Variants in SLC4A10 observed in about 807,000 individuals in gnomAD.
SLC4A10 encodes sodium-driven chloride bicarbonate exchanger.
Under a neutral mutation model 137.7 loss-of-function variants are expected in SLC4A10, and 42 were observed. That is an observed-to-expected ratio of 0.30 (90% confidence interval 0.24 to 0.39). SLC4A10 has a LOEUF of 0.39. Ranked by LOEUF, SLC4A10 falls within the 10% of genes least tolerant of loss-of-function variation. The pLI is 1.00. For missense variants in SLC4A10, 925 were observed against 1,355.0 expected (o/e 0.68, Z 4.98); for synonymous variants, 474 against 464.1 (o/e 1.02, Z -0.27).
At chr2:161,940,138 A>G (rs985356115) in intron 15 of SLC4A10, among the ~76,000 whole-genome samples, 3 of 152,198 alleles carry the variant, frequency 2.0e-5, no homozygotes, top group African/African-American at 7.2e-5. Flanking sequence ...AAATCTTGGT[A>G]AGAACAATGA....
intron 10 of SLC4A10, among the ~76,000 whole-genome samples, chr2:161,885,651 A>G (rs2062205406): frequency 6.6e-6 from 1 of 152,196 alleles, no homozygotes; most frequent in African/African-American, 2.4e-5. Flanking sequence ...TCATATGATT[A>G]TGCTTATCAA....
intron 1 of SLC4A10, among the ~76,000 whole-genome samples, chr2:161,735,345 T>C (rs900115520): frequency 6.6e-6 from 1 of 151,798 alleles, no homozygotes; most frequent in African/African-American, 2.4e-5. Context: ...TAGGTTTTTA[T>C]ACCATTTAAA....
chr2:161,684,490 A>G (rs2041183513), intron 1 of SLC4A10, among the ~76,000 whole-genome samples: 1 of 152,192 alleles, frequency 6.6e-6, no homozygotes, highest in African/African-American at 2.4e-5. Context: ...ATTCTTTTGC[A>G]TATTGGGAGA....
At chr2:161,636,785 G>C (rs1389571384) in intron 1 of SLC4A10, among the ~76,000 whole-genome samples, 1 of 152,006 alleles carries the variant, frequency 6.6e-6, no homozygotes, top group Non-Finnish European at 1.5e-5. Context: ...AAGGACCTGG[G>C]TTCAAGTGGT....
chr2:161,922,545 T>G (rs184003734), intron 15 of SLC4A10, among the ~76,000 whole-genome samples: 1 of 152,192 alleles, frequency 6.6e-6, no homozygotes, highest in East Asian at 1.9e-4. Context: ...TGAAGGGTAA[T>G]GTAGCAATAG....
At chr2:161,796,223 T>C (rs1049109478) in intron 2 of SLC4A10, among the ~76,000 whole-genome samples, 17 of 152,188 alleles carry the variant, frequency 1.1e-4, no homozygotes, top group Non-Finnish European at 1.9e-4. Flanking sequence ...ACAATCCATT[T>C]CCAAACGCAG....
chr2:161,727,203 C>T (rs904301229), intron 1 of SLC4A10, among the ~76,000 whole-genome samples: 2 of 152,228 alleles, frequency 1.3e-5, no homozygotes, highest in Non-Finnish European at 2.9e-5. Flanking sequence ...CTAGAGCTGG[C>T]AGCCAGGCCT....
At position 161,824,454 on chromosome 2, in the gene SLC4A10, A is replaced by G. The variant is rs544744513; in HGVS notation, c.278-15335A>G. On this transcript the variant is annotated intron_variant, in intron 3 of 26. Coordinates refer to ENST00000446997, the MANE Select transcript of SLC4A10 (RefSeq NM_001178015.2). ...CACAAGATTTACAACACAGCCAATC[A>G]AGGAAATTATGAAACAGATTGTGAA... is the stretch of plus-strand genomic sequence containing the variant. Among the ~76,000 whole-genome samples the G allele has an allele frequency of 5.7e-4, 87 of 152,306 alleles. 2 individuals are homozygous for G. Among genetic ancestry groups the G allele is most frequent in the Admixed American group, 5.0e-3 (77 of 15,300 alleles).
chr2:161,944,420 A>G (rs1406994080), intron 16 of SLC4A10, among the ~76,000 whole-genome samples: 1 of 151,858 alleles, frequency 6.6e-6, no homozygotes, highest in East Asian at 1.9e-4. Context: ...CTAAATAATA[A>G]TATTCCTTCT....
intron 1 of SLC4A10, among the ~76,000 whole-genome samples, chr2:161,723,846 T>A (rs923172756): frequency 2.6e-5 from 4 of 152,218 alleles, no homozygotes; most frequent in Non-Finnish European, 5.9e-5. Flanking sequence ...CTTTACATAC[T>A]GATGACTTCC....
intron 1 of SLC4A10, among the ~76,000 whole-genome samples, chr2:161,660,833 T>C (rs920914982): frequency 6.6e-6 from 1 of 150,644 alleles, no homozygotes; most frequent in African/African-American, 2.4e-5. Flanking sequence ...TTTTTTTTAT[T>C]TTTATTTTTA....
At chr2:161,882,709 T>A (rs533969983) in intron 10 of SLC4A10, among the ~76,000 whole-genome samples, 2 of 152,240 alleles carry the variant, frequency 1.3e-5, no homozygotes, top group Non-Finnish European at 2.9e-5. Flanking sequence ...ATATTCCCTT[T>A]ATGGTATATG....
intron 24 of SLC4A10, among the ~76,000 whole-genome samples, chr2:161,974,760 G>A (rs929067461): frequency 2.6e-5 from 4 of 152,102 alleles, no homozygotes; most frequent in African/African-American, 9.7e-5. Context: ...AGTTGTATCA[G>A]TCATTTTAGG....
intron 1 of SLC4A10, among the ~76,000 whole-genome samples, chr2:161,642,574 T>G: frequency 6.6e-6 from 1 of 152,034 alleles, no homozygotes; most frequent in East Asian, 1.9e-4. Context: ...GGTTCATATA[T>G]TAATGAATCT....
chr2:161,740,452 A>C (rs1192147651), intron 1 of SLC4A10, among the ~76,000 whole-genome samples: 1 of 152,148 alleles, frequency 6.6e-6, no homozygotes, highest in African/African-American at 2.4e-5. Flanking sequence ...GACATCACCC[A>C]AGACAGCATG....
intron 3 of SLC4A10, among the ~76,000 whole-genome samples, chr2:161,820,900 A>G (rs1022365668): frequency 2.6e-5 from 4 of 152,226 alleles, no homozygotes; most frequent in Non-Finnish European, 5.9e-5. Flanking sequence ...TTACATTCCC[A>G]CCAATAAAGT....
chr2:161,834,728 T>A (rs1286102112), intron 3 of SLC4A10, among the ~76,000 whole-genome samples: 1 of 151,534 alleles, frequency 6.6e-6, no homozygotes, highest in Non-Finnish European at 1.5e-5. Context: ...TTGGGTGTCT[T>A]CTTTACCCCT....
At chr2:161,945,379 C>G (rs1693602960) in intron 16 of SLC4A10, among the ~76,000 whole-genome samples, 1 of 151,090 alleles carries the variant, frequency 6.6e-6, no homozygotes, top group Non-Finnish European at 1.5e-5. Context: ...GACACTAATG[C>G]CAACTTTAAT....
intron 4 of SLC4A10, among the ~76,000 whole-genome samples, chr2:161,845,212 A>G (rs2059417566): frequency 6.6e-6 from 1 of 152,198 alleles, no homozygotes; most frequent in African/African-American, 2.4e-5. Flanking sequence ...TTAAAAGAAC[A>G]GAAAAGAGAG....
Sources: gnomAD v4.1 joint callset for allele counts (sites outside exome capture counted in the v4.1 genomes callset) on GRCh38, gnomAD v4.1.1 for gene constraint, MANE v1.5 for transcripts, NCBI Gene and HGNC (gene_info 2026-07-23, HGNC 2026-07-21) for gene names.